The following VPS13B variants were observed in gnomAD, a reference collection of about 807,000 sequenced individuals.
VPS13B encodes the protein vacuolar protein sorting 13 homolog B.
Under a neutral mutation model 426.4 loss-of-function variants are expected in VPS13B, and 285 were observed. That is an observed-to-expected ratio of 0.67 (90% CI 0.61 to 0.74). VPS13B has a LOEUF of 0.74. Among genes scored for constraint, VPS13B ranks in the 30% least tolerant of loss-of-function variants. The pLI, the probability that VPS13B is intolerant of heterozygous loss-of-function variation, is 0.00. For synonymous variants in VPS13B, 1,676 were observed against 1,676.4 expected (o/e 1.00, Z 0.01); for missense variants, 4,537 against 4,782.6 (o/e 0.95, Z 1.51).
At chr8:99,117,603 AT>A (rs1847730263) in intron 7 of VPS13B, among the ~76,000 whole-genome samples, 2 of 152,196 alleles carry the variant, frequency 1.3e-5, no homozygotes, top group South Asian at 4.1e-4. Context: ...TTGGAGTATT[AT>A]TTAGCTGTAC....
chr8:99,855,987 T>C (rs949074504), intron 56 of VPS13B, among the ~76,000 whole-genome samples: 6 of 152,222 alleles, frequency 3.9e-5, no homozygotes, highest in African/African-American at 1.4e-4. Context: ...CGTAGGTTAC[T>C]GAGCTCCAAT....
Position 99,147,914 on chromosome 8 carries a change from A to G in VPS13B, c.1917A>G (p.Arg639=). The change falls in exon 14 of 62, where the codon CGA becomes CGG. Residue 639 remains arginine (R), a synonymous_variant. Transcript: ENST00000357162. Reference sequence around the variant, plus strand: ...TTCTGGAGGAATATATTCCTACTCGACATACAAGTGTTACTCTCCTCAAAT... The same window carrying G: ...TTCTGGAGGAATATATTCCTACTCGGCATACAAGTGTTACTCTCCTCAAAT... ...VALLEEYIPT[R]HTSVTLLKCT... 1 of 1,613,724 alleles carries G rather than the reference A, an allele frequency of 6.2e-7. No homozygotes were observed. Among genetic ancestry groups the G allele is most frequent in the Non-Finnish European group, 8.5e-7 (1 of 1,179,798 alleles).
At chr8:99,237,365 T>C (rs1816701270) in intron 17 of VPS13B, among the ~76,000 whole-genome samples, 1 of 152,208 alleles carries the variant, frequency 6.6e-6, no homozygotes, top group South Asian at 2.1e-4. Context: ...GAGGATTATA[T>C]CTCTTTAACA....
Position 99,854,138 on chromosome 8 carries a change from C to T in VPS13B, c.10749C>T (p.Ala3583=), listed in dbSNP as rs2130918435. The change falls in exon 56 of 62, where the codon GCC becomes GCT. Residue 3583 remains alanine (A), a synonymous_variant. Transcript: ENST00000357162. ...SIHASLKLYI[A]SDHTPLSFSV... Reference sequence around the variant, plus strand: ...ACGCTTCCCTCAAGCTGTACATAGCCTCAGACCACACTCCTCTCTCCTTCT... The same window carrying T: ...ACGCTTCCCTCAAGCTGTACATAGCTTCAGACCACACTCCTCTCTCCTTCT... 1 of 1,613,778 alleles carries T rather than the reference C, an allele frequency of 6.2e-7. No homozygotes were observed. The highest frequency in any genetic ancestry group is 2.2e-5 in the East Asian group (1 of 44,852).
At chr8:99,286,325 AT>A (rs1408125455) in intron 19 of VPS13B, among the ~76,000 whole-genome samples, 3 of 152,210 alleles carry the variant, frequency 2.0e-5, no homozygotes, top group African/African-American at 7.2e-5. Context: ...TTAAAGAATA[AT>A]TTTTAAATGT....
chr8:99,304,140 G>C (rs922924138), intron 19 of VPS13B, among the ~76,000 whole-genome samples: 6 of 152,072 alleles, frequency 3.9e-5, no homozygotes, highest in African/African-American at 1.4e-4. Flanking sequence ...TATAATTATA[G>C]TATCTGTCTC....
intron 17 of VPS13B, among the ~76,000 whole-genome samples, chr8:99,242,384 A>C (rs907373352): frequency 9.2e-5 from 14 of 152,328 alleles, no homozygotes; most frequent in Non-Finnish European, 1.0e-4. Flanking sequence ...TAAATTAAGA[A>C]TTTTTAGACA....
rs1028224044 is a variant in VPS13B, at chr8:99,038,662, ATATCT to A, written c.291+99_291+103del. On this transcript the variant is annotated intron_variant, in intron 3 of 61. Transcript: ENST00000357162. The stretch of plus-strand genomic sequence containing the variant: ...CAAATATGCCAACTGTTACATAAAC[ATATCT>A]TAGCTTATATACTTTTTTTTTTTTT... 3.9e-5 allele frequency: 39 copies of A among 987,898 alleles called. No homozygotes were observed. The African/African-American group carries it at 5.3e-4, about 13-fold the overall frequency. 61.2% of individuals were successfully genotyped at this position (987,898 alleles called of 1,614,324 possible). A position where few individuals can be genotyped will look rare whatever the true frequency, so the allele number is the denominator to read the frequency against.
intron 35 of VPS13B, among the ~76,000 whole-genome samples, chr8:99,692,992 C>T (rs1407709024): frequency 6.8e-6 from 1 of 147,718 alleles, no homozygotes; most frequent in Non-Finnish European, 1.5e-5. Context: ...AAGACTAAAC[C>T]AGGAAGAAGT....
rs1811584715 is a variant in VPS13B, at chr8:99,160,429, T to C, written c.2208+3686T>C. On this transcript the variant is annotated intron_variant, in intron 15 of 61. Coordinates refer to ENST00000357162, the MANE Select transcript of VPS13B (RefSeq NM_152564.5). ...ATCTCAGCACTTTGAGAGTCTGAGG[T>C]GGGTGGATCACTTGAGCCCAGGAGG... Among the ~76,000 whole-genome samples, 2 of 151,756 alleles carry C rather than the reference T, an allele frequency of 1.3e-5. 1 individual carries two copies. The highest frequency in any genetic ancestry group is 4.2e-4 in the South Asian group (2 of 4,800).
At chr8:99,406,035 C>T (rs1815309127) in intron 21 of VPS13B, among the ~76,000 whole-genome samples, 1 of 152,106 alleles carries the variant, frequency 6.6e-6, no homozygotes. Flanking sequence ...AACTCAGCCT[C>T]CCAAAGTGCT....
intron 48 of VPS13B, 30 bp from the exon 49 acceptor site, chr8:99,819,891 T>G: frequency 1.2e-6 from 2 of 1,610,612 alleles, no homozygotes; most frequent in Non-Finnish European, 1.7e-6. Flanking sequence ...CATATTTCAT[T>G]GAGTCTCTTG....
Position 99,258,308 on chromosome 8 carries a change from CT to C in VPS13B, c.2516-15882del, listed in dbSNP as rs573461893. On this transcript the variant is annotated intron_variant, in intron 17 of 61. Coordinates refer to ENST00000357162, the MANE Select transcript of VPS13B (RefSeq NM_152564.5). ...CAAGTTATTATTTTCATATTTATGC[CT>C]TTTTTTTAAGTTTATGTATGTGGAT... 2.4e-3 allele frequency among the ~76,000 whole-genome samples: 363 copies of C among 150,550 alleles called. 1 individual carries two copies. Among genetic ancestry groups the C allele is most frequent in the African/African-American group, 8.4e-3 (344 of 41,054 alleles).
At position 99,013,954 on chromosome 8, in the gene VPS13B, A is replaced by G. The variant is rs1354978326; in HGVS notation, c.147+19A>G. On this transcript the variant is annotated intron_variant, in intron 2 of 61. Transcript: ENST00000357162. ...GGAACAGGTAAGCTATTTAGCTGTCATTAACTGGAAACAGTTTTCAGCTTG... is the reference window on the plus strand; with the variant it reads ...GGAACAGGTAAGCTATTTAGCTGTCGTTAACTGGAAACAGTTTTCAGCTTG... 1 of 1,613,844 alleles carries G rather than the reference A, an allele frequency of 6.2e-7. No homozygotes were observed. The highest frequency in any genetic ancestry group is 1.3e-5 in the African/African-American group (1 of 74,914).
chr8:99,397,715 C>T (rs924057804), intron 21 of VPS13B, among the ~76,000 whole-genome samples: 103 of 152,288 alleles, frequency 6.8e-4, no homozygotes, highest in African/African-American at 2.4e-3. Context: ...CCTCATGGTT[C>T]ATGATGGTGG....
chr8:99,803,646 G>A (rs1813245740), intron 43 of VPS13B, among the ~76,000 whole-genome samples: 1 of 152,158 alleles, frequency 6.6e-6, no homozygotes, highest in Non-Finnish European at 1.5e-5. Flanking sequence ...TCATTACCTA[G>A]AAATTTTTCT....
chr8:99,195,719 T>C (rs987421263), intron 17 of VPS13B, among the ~76,000 whole-genome samples: 2 of 152,228 alleles, frequency 1.3e-5, no homozygotes, highest in Non-Finnish European at 2.9e-5. Flanking sequence ...CTTTAATCCC[T>C]TCTGAATTGG....
intron 39 of VPS13B, among the ~76,000 whole-genome samples, chr8:99,734,258 A>C (rs972177632): frequency 6.6e-6 from 1 of 152,164 alleles, no homozygotes; most frequent in Non-Finnish European, 1.5e-5. Flanking sequence ...CATTTTGCTT[A>C]TCCATTCATC....
rs77712744 is a variant in VPS13B at position 99,021,956 on chromosome 8, A to T, written c.147+8021A>T. Among the ~76,000 whole-genome samples the T allele has an allele frequency of 5.9e-5, 9 of 152,230 alleles. No individual in the cohort carries two copies. In the East Asian group the frequency reaches 1.7e-3, roughly 29 times the overall value. On this transcript the variant is annotated intron_variant, in intron 2 of 61. Coordinates refer to ENST00000357162, the MANE Select transcript of VPS13B (RefSeq NM_152564.5). Reference sequence around the variant, plus strand: ...CTGCCTGATTTACAAAAATGTATCTATAGGATCTGCTGTGATATCTTCTTT... The same window carrying T: ...CTGCCTGATTTACAAAAATGTATCTTTAGGATCTGCTGTGATATCTTCTTT...
Sources: allele counts gnomAD v4.1 joint callset (sites outside exome capture counted in the v4.1 genomes callset), GRCh38; gene constraint gnomAD v4.1.1; transcripts MANE v1.5; gene names NCBI Gene and HGNC (gene_info 2026-07-23, HGNC 2026-07-21).